Variants in CD70 observed in about 807,000 individuals in gnomAD.
CD70 encodes the protein CD70 antigen.
Under a neutral mutation model 9.0 loss-of-function variants are expected in CD70, and 6 were observed. The ratio of observed to expected loss-of-function variants is 0.67; its 90% confidence interval spans 0.37 to 1.32. CD70 has a LOEUF of 1.32. CD70 is among the 40% of genes most tolerant of loss of function. The probability of loss-of-function intolerance (pLI) is 0.02; values close to 1 mark genes in which losing one functional copy is unlikely to be tolerated. For missense variants in CD70, 235 were observed against 258.7 expected, an observed-to-expected ratio of 0.91 and a Z score of 0.63; for synonymous variants, 108 against 112.3, an observed-to-expected ratio of 0.96 and a Z score of 0.24.
chr19:6,587,223 TGA>T lies in CD70; in HGVS notation c.197-820_197-819del, dbSNP rs1407395447. Among the ~76,000 whole-genome samples the T allele has an allele frequency of 8.3e-4, 94 of 112,614 alleles. 1 individual carries two copies. The highest frequency in any genetic ancestry group is 0.012 in the Middle Eastern group (2 of 162). The allele number at this position is 112,614 out of a possible 152,430, so 73.9% of individuals were successfully genotyped here. ...GAGAGCATGAGACAGCGAGAGAGTG[TGA>T]GAGAGAGGACGAGAGAGCTTGAGGG... is the stretch of plus-strand genomic sequence containing the variant. On this transcript the variant is annotated intron_variant, in intron 2 of 2. Transcript: ENST00000245903.
intron 2 of CD70, 144 bp downstream of exon 2, chr19:6,589,959 C>A: frequency 5.3e-5 from 27 of 514,034 alleles, no homozygotes; most frequent in Non-Finnish European, 6.7e-5. Context: ...CTCTCCGTTT[C>A]CCTCCCTATC....
At chr19:6,586,922 A>AAAAAC (rs1555765965) in intron 2 of CD70, among the ~76,000 whole-genome samples, 1 of 140,354 alleles carries the variant, frequency 7.1e-6, no homozygotes, top group Non-Finnish European at 1.6e-5. Context: ...AAAAAAAAAA[A>AAAAAC]CAGAAACAGA....
chr19:6,588,158 C>A (rs1233627448), intron 2 of CD70, among the ~76,000 whole-genome samples: 1 of 152,170 alleles, frequency 6.6e-6, no homozygotes, highest in Non-Finnish European at 1.5e-5. Context: ...CAAACAGGAG[C>A]CCCAAGGGTG....
chr19:6,587,213 C>CGA (rs142923593), intron 2 of CD70, among the ~76,000 whole-genome samples: 1 of 123,846 alleles, frequency 8.1e-6, no homozygotes. Flanking sequence ...CATGAGACAG[C>CGA]GAGAGAGTGT....
chr19:6,582,348 CTTTT>C (rs59168141), downstream of CD70, among the ~76,000 whole-genome samples: 94 of 135,170 alleles, frequency 7.0e-4, no homozygotes, highest in South Asian at 2.6e-3. Flanking sequence ...GCAGTCAAAT[CTTTT>C]TTTTTTTTTT....
At position 6,586,097 on chromosome 19, in the gene CD70, T is replaced by A. The variant is rs1465856047; in HGVS notation, c.505A>T (p.Thr169Ser). 1.2e-6 allele frequency: 2 copies of A among 1,613,926 alleles called. No homozygotes were observed. The highest frequency in any genetic ancestry group is 1.7e-6 in the Non-Finnish European group (2 of 1,179,936). ...TPLARGDTLC[T>S]NLTGTLLPSR... Reference sequence around the variant, plus strand: ...GGCAAAAGTGTCCCAGTGAGGTTGGTGCAGAGTGTGTCCCCTCGGGCCAGG... The same window carrying A: ...GGCAAAAGTGTCCCAGTGAGGTTGGAGCAGAGTGTGTCCCCTCGGGCCAGG... Residue 169 changes from threonine (T) to serine (S), a missense_variant, in exon 3 of 3, where the codon ACC becomes TCC. Transcript: ENST00000245903.
Position 6,591,116 on chromosome 19 carries a change from C to T in CD70, c.-114G>A. ...CCCGGGGCTCCTGGGCGTCTACTTG[C>T]TTCAACCTGTCAGGGGACCAGCCTG... On this transcript the variant is annotated 5_prime_UTR_variant, in exon 1 of 3. Transcript: ENST00000245903. 8.5e-7 allele frequency: 1 copy of T among 1,179,710 alleles called. No individual in the cohort carries two copies. Among genetic ancestry groups the T allele is most frequent in the Admixed American group, 2.9e-5 (1 of 34,282 alleles). The allele number at this position is 1,179,710 out of a possible 1,614,324, so 73.1% of individuals were successfully genotyped here. A position where few individuals can be genotyped will look rare whatever the true frequency, so the allele number is the denominator to read the frequency against.
downstream of CD70, among the ~76,000 whole-genome samples, chr19:6,584,480 T>C (rs1266871143): frequency 1.3e-5 from 2 of 150,070 alleles, no homozygotes; most frequent in African/African-American, 4.9e-5. Context: ...CACTCCAGCC[T>C]GGACAACAGG....
intron 2 of CD70, among the ~76,000 whole-genome samples, chr19:6,587,164 G>C: frequency 6.6e-6 from 1 of 150,544 alleles, no homozygotes; most frequent in Non-Finnish European, 1.5e-5. Context: ...GAGTGCAAGA[G>C]ACAGCATGAG....
Position 6,586,368 on chromosome 19 carries a change from G to A in CD70, c.234C>T (p.Gly78=), listed in dbSNP as rs770154237. 1 of 1,610,982 alleles carries A rather than the reference G, an allele frequency of 6.2e-7. No homozygotes were observed. Among genetic ancestry groups the A allele is most frequent in the Non-Finnish European group, 8.5e-7 (1 of 1,179,478 alleles). ...QQDPRLYWQG[G]PALGRSFLHG... ...GCAGGAAGGAGCGGCCCAGTGCTGG[G>A]CCCCCCTGCCAGTATAGCCTGGGGT... The change falls in exon 3 of 3, where the codon GGC becomes GGT. Residue 78 remains glycine (G), a synonymous_variant. Coordinates refer to ENST00000245903, the MANE Select transcript of CD70 (RefSeq NM_001252.5).
Position 6,590,222 on chromosome 19 carries a change from T to C in CD70, c.163-86A>G. The C allele has an allele frequency of 1.9e-6, 2 of 1,038,094 alleles. No individual in the cohort carries two copies. The highest frequency in any genetic ancestry group is 1.5e-6 in the Non-Finnish European group (1 of 655,148). The allele number at this position is 1,038,094 out of a possible 1,614,324, so 64.3% of individuals were successfully genotyped here. A position where few individuals can be genotyped will look rare whatever the true frequency, so the allele number is the denominator to read the frequency against. ...TGTGCCAGGAGCTCTCTTTTCTCTG[T>C]CCATCCTCCTTTCCACCTCTCATCC... is the stretch of plus-strand genomic sequence containing the variant. On this transcript the variant is annotated intron_variant, in intron 1 of 2. Coordinates refer to ENST00000245903, the MANE Select transcript of CD70 (RefSeq NM_001252.5). This position sits in a 1 kb window ranked among gnomAD's most constrained non-coding sequence, Gnocchi z 5.3.
intron 2 of CD70, among the ~76,000 whole-genome samples, chr19:6,586,902 C>CAAAAAAAAAAAAA (rs55803401): frequency 2.3e-5 from 2 of 85,326 alleles, no homozygotes; most frequent in Non-Finnish European, 2.1e-5. Flanking sequence ...GAGAGAGAGA[C>CAAAAAAAAAAAAA]AAAAAAAAAA....
Position 6,591,137 on chromosome 19 carries a change from G to A in CD70, c.-135C>T, listed in dbSNP as rs1916151195. ...CTTGCTTCAACCTGTCAGGGGACCAGCCTGCCCCTCTCTGGGGATGTCCGG... is the reference window on the plus strand; with the variant it reads ...CTTGCTTCAACCTGTCAGGGGACCAACCTGCCCCTCTCTGGGGATGTCCGG... On this transcript the variant is annotated 5_prime_UTR_variant, in exon 1 of 3. Coordinates refer to ENST00000245903, the MANE Select transcript of CD70 (RefSeq NM_001252.5). 2 of 870,334 alleles carry A rather than the reference G, an allele frequency of 2.3e-6. No individual in the cohort carries two copies. The highest frequency in any genetic ancestry group is 2.1e-5 in the South Asian group (1 of 48,424). 53.9% of individuals were successfully genotyped at this position (870,334 alleles called of 1,614,324 possible).
Position 6,590,118 on chromosome 19 carries a change from G to A in CD70, c.181C>T (p.Gln61Ter). The A allele has an allele frequency of 6.2e-7, 1 of 1,613,638 alleles. No homozygotes were observed. Among genetic ancestry groups the A allele is most frequent in the Non-Finnish European group, 8.5e-7 (1 of 1,179,682 alleles). ...ESLGWDVAEL[Q>*]LNHTGPQQDP... ...CCCGTGTTACCTGTGTGATTCAGCT[G>A]CAGCTCAGCTACGTCCCACTGGAAG... The change falls in exon 2 of 3, where the codon CAG becomes TAG. Residue 61 changes from glutamine to a stop codon, truncating the protein, a stop_gained. Coordinates refer to ENST00000245903, the MANE Select transcript of CD70 (RefSeq NM_001252.5). LOFTEE classifies it low-confidence loss of function (END_TRUNC). This position sits in a 1 kb window ranked among gnomAD's most constrained non-coding sequence, Gnocchi z 5.3.
At position 6,590,066 on chromosome 19, in the gene CD70, T is replaced by A. The variant is rs1301126116; in HGVS notation, c.196+37A>T. 5.1e-6 allele frequency: 8 copies of A among 1,583,502 alleles called. No homozygotes were observed. The highest frequency in any genetic ancestry group is 6.9e-6 in the Non-Finnish European group (8 of 1,154,026). ...CTCTCCTTCCTTCTCTCTCTGTGCC[T>A]CTTCTTCTCCCCGTCCCTCCACGTC... On this transcript the variant is annotated intron_variant, in intron 2 of 2. Transcript: ENST00000245903. The surrounding 1 kb of genome is among the most constrained non-coding windows in gnomAD (Gnocchi z 5.3).
downstream of CD70, among the ~76,000 whole-genome samples, chr19:6,584,142 T>G: frequency 1.3e-5 from 1 of 79,806 alleles, no homozygotes; most frequent in Non-Finnish European, 3.2e-5. Context: ...CACTTCTCAT[T>G]GTAAAAAAAA....
At chr19:6,587,363 TGA>T (rs888474934) in intron 2 of CD70, among the ~76,000 whole-genome samples, 10 of 147,426 alleles carry the variant, frequency 6.8e-5, no homozygotes, top group Admixed American at 5.4e-4. Context: ...CGAGAGAGCT[TGA>T]GAGAGAGTGC....
chr19:6,590,153 GA>G lies in CD70; in HGVS notation c.163-18del. On this transcript the variant is annotated intron_variant, in intron 1 of 2. Transcript: ENST00000245903. This position sits in a 1 kb window ranked among gnomAD's most constrained non-coding sequence, Gnocchi z 5.3. ...TACGTCCCACTGGAAGAAAAGACCA[GA>G]AAACAGGGCACGGACGTAAGCAGAG... 6.2e-7 allele frequency: 1 copy of G among 1,612,648 alleles called. No homozygotes were observed. Among genetic ancestry groups the G allele is most frequent in the Non-Finnish European group, 8.5e-7 (1 of 1,178,658 alleles).
intron 2 of CD70, among the ~76,000 whole-genome samples, chr19:6,588,301 G>C (rs1054940531): frequency 2.0e-5 from 3 of 152,168 alleles, no homozygotes; most frequent in African/African-American, 7.2e-5. Flanking sequence ...CACCACCCCT[G>C]GTGCCCCATC....
Sources: allele counts gnomAD v4.1 joint callset (sites outside exome capture counted in the v4.1 genomes callset), GRCh38; gene constraint gnomAD v4.1.1; non-coding constraint Gnocchi (gnomAD v3.1); transcripts MANE v1.5; gene names NCBI Gene and HGNC (gene_info 2026-07-23, HGNC 2026-07-21).